The following INPP5F variants were observed in gnomAD, a reference collection of about 807,000 sequenced individuals.
INPP5F encodes the protein phosphatidylinositide 4-phosphatase SAC2.
INPP5F carries 97 observed loss-of-function variants against 137.2 expected under a neutral mutation model. That is an observed-to-expected ratio of 0.71 (90% CI 0.60 to 0.84). The LOEUF (loss-of-function observed/expected upper bound fraction) is 0.84, where lower values mean the gene tolerates loss of function less well. INPP5F is among the 40% of genes least tolerant of loss of function. INPP5F has a pLI of 0.00. For missense variants in INPP5F, 1,271 were observed against 1,371.9 expected (o/e 0.93, Z 1.16); for synonymous variants, 504 against 476.9 (o/e 1.06, Z -0.74).
At chr10:119,794,769 G>T (rs1361786315) in intron 6 of INPP5F, among the ~76,000 whole-genome samples, 3 of 134,944 alleles carry the variant, frequency 2.2e-5, no homozygotes, top group African/African-American at 8.1e-5. Context: ...CTCCCTCCCG[G>T]ACGGGGCGGC....
intron 1 of INPP5F, 108 bp downstream of exon 1, chr10:119,726,467 A>AGGCGG (rs901484332): frequency 1.1e-4 from 59 of 518,236 alleles, no homozygotes; most frequent in African/African-American, 2.0e-4. Context: ...GGGCCTGGTG[A>AGGCGG]GGCGGGGCGG....
chr10:119,757,674 C>G (rs1848888913), intron 2 of INPP5F, among the ~76,000 whole-genome samples: 1 of 151,716 alleles, frequency 6.6e-6, no homozygotes, highest in South Asian at 2.1e-4. Flanking sequence ...GCCTGTAATC[C>G]CAGCCACTCG....
At chr10:119,728,611 C>T (rs34658161) in intron 1 of INPP5F, among the ~76,000 whole-genome samples, 6,346 of 152,234 alleles carry the variant, frequency 0.042, 236 homozygotes, top group South Asian at 0.22. Flanking sequence ...TTGTGGGCAT[C>T]GTGGTTTTTA....
chr10:119,813,599 T>G (rs1187431456), intron 15 of INPP5F, among the ~76,000 whole-genome samples: 1 of 152,168 alleles, frequency 6.6e-6, no homozygotes, highest in East Asian at 1.9e-4. Context: ...AACACCAGCC[T>G]GGGTGACAGA....
rs752522218 is a variant in INPP5F, at chr10:119,781,759, T to A, written c.303T>A (p.Asp101Glu). ...CACTTTCTGAAATGGAACCTCAGGATCTTGAGCTAGAGGTAGGTGAAATAA... is the reference window on the plus strand; with the variant it reads ...CACTTTCTGAAATGGAACCTCAGGAACTTGAGCTAGAGGTAGGTGAAATAA... ...VLSLSEMEPQ[D>E]LELELCKKHH... Residue 101 changes from aspartate (D) to glutamate (E), a missense_variant, in exon 3 of 20, where the codon GAT (aspartate) becomes GAA (glutamate). Asp to Glu is a conservative substitution (Grantham distance 45). Transcript: ENST00000650623. 4.4e-6 allele frequency: 7 copies of A among 1,604,866 alleles called. No individual in the cohort carries two copies. The highest frequency in any genetic ancestry group is 6.0e-6 in the Non-Finnish European group (7 of 1,173,406).
At chr10:119,817,858 A>T (rs949493675) in intron 15 of INPP5F, among the ~76,000 whole-genome samples, 8 of 152,226 alleles carry the variant, frequency 5.3e-5, no homozygotes, top group Non-Finnish European at 8.8e-5. Flanking sequence ...TATTGCACCA[A>T]TTGTCTTGTT....
chr10:119,760,544 T>C (rs1307472364), intron 2 of INPP5F, among the ~76,000 whole-genome samples: 1 of 152,254 alleles, frequency 6.6e-6, no homozygotes, highest in African/African-American at 2.4e-5. Flanking sequence ...TTTCCTCCTT[T>C]GTATTACCTT....
chr10:119,814,930 A>T (rs1851204534), intron 15 of INPP5F, among the ~76,000 whole-genome samples: 1 of 151,804 alleles, frequency 6.6e-6, no homozygotes, highest in Non-Finnish European at 1.5e-5. Context: ...CAGTGGCGCG[A>T]TCTCGGCTCA....
At chr10:119,751,892 A>G (rs762802322) in intron 2 of INPP5F, among the ~76,000 whole-genome samples, 26 of 152,176 alleles carry the variant, frequency 1.7e-4, no homozygotes, top group Non-Finnish European at 3.2e-4. Context: ...TGGGCTCCCA[A>G]AGTCCTGGGA....
intron 1 of INPP5F, among the ~76,000 whole-genome samples, chr10:119,741,359 G>T (rs964067388): frequency 3.9e-5 from 6 of 152,054 alleles, no homozygotes; most frequent in Admixed American, 3.9e-4. Context: ...CCGCTGAGTG[G>T]GTTCCTGTTT....
intron 1 of INPP5F, among the ~76,000 whole-genome samples, chr10:119,729,669 C>G (rs891004759): frequency 6.6e-6 from 1 of 151,528 alleles, no homozygotes; most frequent in African/African-American, 2.4e-5. Flanking sequence ...CCCTACCTCC[C>G]GGCACCAAGC....
In INPP5F at chr10:119,781,683, A is replaced by C. The variant is rs774729115; in HGVS notation, c.227A>C (p.Lys76Thr). ...ATTCGGCAGAAAGCATTGGTGGGCA[A>C]ACTCCCAGGAGACCATGAGGTCTGT... ...ILIRQKALVG[K>T]LPGDHEVCKV... The change falls in exon 3 of 20, where the codon AAA becomes ACA. Residue 76 changes from lysine (K) to threonine (T), a missense_variant. By Grantham distance (78) the Lys-to-Thr change is moderately conservative. Coordinates refer to ENST00000650623, the MANE Select transcript of INPP5F (RefSeq NM_014937.4). 1 of 1,612,890 alleles carries C rather than the reference A, an allele frequency of 6.2e-7. No homozygotes were observed. The highest frequency in any genetic ancestry group is 1.1e-5 in the South Asian group (1 of 90,852).
intron 8 of INPP5F, 124 bp downstream of exon 8, chr10:119,797,764 T>G: frequency 1.5e-6 from 1 of 666,206 alleles, no homozygotes; most frequent in East Asian, 3.0e-5. Flanking sequence ...ATAACTTGTA[T>G]TTGAAAAATG....
chr10:119,769,732 G>A (rs1175921326), intron 2 of INPP5F, among the ~76,000 whole-genome samples: 1 of 152,126 alleles, frequency 6.6e-6, no homozygotes, highest in Non-Finnish European at 1.5e-5. Flanking sequence ...TCAGATTGGG[G>A]CTTAAACCAT....
intron 6 of INPP5F, among the ~76,000 whole-genome samples, chr10:119,794,694 G>T (rs1474192487): frequency 1.3e-5 from 2 of 149,824 alleles, no homozygotes; most frequent in African/African-American, 2.5e-5. Flanking sequence ...GCCAGGCGGG[G>T]GGCTGACCCC....
At chr10:119,779,718 C>T (rs1849641739) in intron 2 of INPP5F, among the ~76,000 whole-genome samples, 1 of 152,124 alleles carries the variant, frequency 6.6e-6, no homozygotes, top group Non-Finnish European at 1.5e-5. Flanking sequence ...GCCTCCATGC[C>T]CTGCCAGAAG....
chr10:119,804,836 C>T (rs954845074), intron 10 of INPP5F, among the ~76,000 whole-genome samples: 1 of 151,952 alleles, frequency 6.6e-6, no homozygotes, highest in South Asian at 2.1e-4. Context: ...AAGGGATTCT[C>T]CTGCCTCAGC....
At chr10:119,752,450 T>C (rs555185733) in intron 2 of INPP5F, among the ~76,000 whole-genome samples, 5 of 152,110 alleles carry the variant, frequency 3.3e-5, no homozygotes, top group Non-Finnish European at 2.9e-5. Context: ...CTGGGCATGG[T>C]GGCGCATGCC....
intron 2 of INPP5F, among the ~76,000 whole-genome samples, chr10:119,762,551 G>A (rs1457955230): frequency 6.6e-6 from 1 of 151,958 alleles, no homozygotes; most frequent in African/African-American, 2.4e-5. Context: ...ATCTGCAGAT[G>A]GACAATATTC....
Sources: gnomAD v4.1 joint callset for allele counts (sites outside exome capture counted in the v4.1 genomes callset) on GRCh38, gnomAD v4.1.1 for gene constraint, MANE v1.5 for transcripts, NCBI Gene and HGNC (gene_info 2026-07-23, HGNC 2026-07-21) for gene names.